Variants in ARL17B observed in about 807,000 individuals in gnomAD.
ARL17B encodes the protein ADP-ribosylation factor-like protein 17.
At chr17:46,282,798 GCA>G (rs2049805040) in intron 4 of ARL17B, among the ~76,000 whole-genome samples, 1 of 152,202 alleles carries the variant, frequency 6.6e-6, no homozygotes, top group South Asian at 2.1e-4. Flanking sequence ...AAGAGAGAAA[GCA>G]CCCCGTGGCT....
At chr17:46,276,960 T>C (rs1325709233) in intron 4 of ARL17B, among the ~76,000 whole-genome samples, 1 of 149,966 alleles carries the variant, frequency 6.7e-6, no homozygotes, top group East Asian at 1.9e-4. Context: ...CGTGCCACCA[T>C]GCTCAGCTAA....
At chr17:46,291,290 AAT>A (rs1252004338) in intron 4 of ARL17B, among the ~76,000 whole-genome samples, 2 of 152,236 alleles carry the variant, frequency 1.3e-5, no homozygotes, top group African/African-American at 2.4e-5. Flanking sequence ...GTGAGAGTAA[AAT>A]ATAAAAAAGA....
chr17:46,284,542 A>G (rs1488149994), intron 4 of ARL17B, among the ~76,000 whole-genome samples: 1 of 152,250 alleles, frequency 6.6e-6, no homozygotes, highest in African/African-American at 2.4e-5. Flanking sequence ...CTTTCTACAC[A>G]GACACAGCAA....
In ARL17B at chr17:46,282,392, C is replaced by T. The variant is rs184491232; in HGVS notation, c.*22-6974G>A. 9.5e-4 allele frequency among the ~76,000 whole-genome samples: 144 copies of T among 151,994 alleles called. 1 individual carries two copies. Among genetic ancestry groups the T allele is most frequent in the African/African-American group, 3.2e-3 (133 of 41,444 alleles). ...TGCTGGGATTACAGGCGTGATCCACCGCACCTGGCCTCAGTTTTTTGTTTG... is the reference window on the plus strand; with the variant it reads ...TGCTGGGATTACAGGCGTGATCCACTGCACCTGGCCTCAGTTTTTTGTTTG... On this transcript the variant is annotated intron_variant, in intron 4 of 4. Coordinates refer to the ARL17B transcript ENST00000570618.
chr17:46,284,274 C>T (rs980292890), intron 4 of ARL17B, among the ~76,000 whole-genome samples: 1 of 152,258 alleles, frequency 6.6e-6, no homozygotes, highest in Non-Finnish European at 1.5e-5. Flanking sequence ...AGGCAGAGGT[C>T]CCTGCGGCCT....
chr17:46,279,105 A>T (rs1309875158), intron 4 of ARL17B, among the ~76,000 whole-genome samples: 4 of 151,838 alleles, frequency 2.6e-5, no homozygotes, highest in African/African-American at 4.8e-5. Flanking sequence ...GCCCAATGTC[A>T]TTATTTACAT....
At chr17:46,282,938 G>T (rs561087578) in intron 4 of ARL17B, among the ~76,000 whole-genome samples, 1 of 151,670 alleles carries the variant, frequency 6.6e-6, no homozygotes, top group Admixed American at 6.6e-5. Context: ...GGCCAACACA[G>T]TGAAACCTCA....
downstream of ARL17B, among the ~76,000 whole-genome samples, chr17:46,274,583 G>A (rs191795105): frequency 2.6e-4 from 40 of 152,292 alleles, no homozygotes; most frequent in Admixed American, 4.6e-4. Flanking sequence ...ATATGTAACC[G>A]TGGCTGGATT....
At position 46,325,915 on chromosome 17, in the gene ARL17B, C is replaced by G. The variant is rs559558441; in HGVS notation, c.260-26250G>C. Among the ~76,000 whole-genome samples the G allele has an allele frequency of 6.3e-5, 4 of 63,716 alleles. 2 individuals carry two copies. The East Asian group carries it at 1.0e-3, about 16-fold the overall frequency. The allele number at this position is 63,716 out of a possible 152,430, so 41.8% of individuals were successfully genotyped here. On this transcript the variant is annotated intron_variant, in intron 3 of 4. Coordinates refer to the ARL17B transcript ENST00000434041. Reference sequence around the variant, plus strand: ...ATACCATTTGAAAATGTTTCCCAGCCATTCTAAGGCTTAAAGGAAAAAAAG... The same window carrying G: ...ATACCATTTGAAAATGTTTCCCAGCGATTCTAAGGCTTAAAGGAAAAAAAG...
intron 4 of ARL17B, among the ~76,000 whole-genome samples, chr17:46,287,888 G>T (rs1219211707): frequency 6.6e-6 from 1 of 152,252 alleles, no homozygotes; most frequent in Non-Finnish European, 1.5e-5. Context: ...AAAAGAAAAA[G>T]TAAATGTAAC....
chr17:46,276,586 G>C (rs1219162949), intron 4 of ARL17B, among the ~76,000 whole-genome samples: 2 of 152,166 alleles, frequency 1.3e-5, no homozygotes, highest in Non-Finnish European at 2.9e-5. Flanking sequence ...TGAAAACAAT[G>C]TGCAAACAAT....
intron 4 of ARL17B, among the ~76,000 whole-genome samples, chr17:46,289,429 C>T (rs2050007596): frequency 1.3e-5 from 2 of 152,208 alleles, no homozygotes; most frequent in Non-Finnish European, 2.9e-5. Flanking sequence ...CCTTTGCCTC[C>T]CAAAGTGCTG....
At chr17:46,277,700 G>A (rs1475520040) in intron 4 of ARL17B, among the ~76,000 whole-genome samples, 2 of 150,928 alleles carry the variant, frequency 1.3e-5, no homozygotes, top group Admixed American at 6.6e-5. Context: ...AGGTTGGAGT[G>A]CAGTGGTGGG....
intron 4 of ARL17B, among the ~76,000 whole-genome samples, chr17:46,276,434 C>T (rs1291062164): frequency 4.6e-5 from 7 of 152,150 alleles, no homozygotes; most frequent in African/African-American, 1.2e-4. Context: ...TTTTGGATTA[C>T]GTAATCACAA....
intron 4 of ARL17B, among the ~76,000 whole-genome samples, chr17:46,277,977 T>C (rs2696533): frequency 0.14 from 21,715 of 151,760 alleles, 1,879 homozygotes; most frequent in Non-Finnish European, 0.22. Context: ...TGGAGTCTCG[T>C]TCTTGTCGCC....
chr17:46,281,244 G>A (rs1052912203), intron 4 of ARL17B, among the ~76,000 whole-genome samples: 1 of 152,060 alleles, frequency 6.6e-6, no homozygotes, highest in Non-Finnish European at 1.5e-5. Context: ...CCCTCATAGA[G>A]TGCAGGGGCT....
At chr17:46,317,152 C>G (rs1367522855) in intron 3 of ARL17B, among the ~76,000 whole-genome samples, 2 of 88,554 alleles carry the variant, frequency 2.3e-5, no homozygotes. Flanking sequence ...GGGTGGCGGC[C>G]GGGCAGAGGC....
At chr17:46,282,260 G>A (rs1362204577) in intron 4 of ARL17B, among the ~76,000 whole-genome samples, 1 of 151,784 alleles carries the variant, frequency 6.6e-6, no homozygotes, top group Non-Finnish European at 1.5e-5. Context: ...CTGCCACCAC[G>A]CCCGCCTAAT....
At chr17:46,278,335 T>G (rs541267045) in intron 4 of ARL17B, among the ~76,000 whole-genome samples, 71 of 152,322 alleles carry the variant, frequency 4.7e-4, no homozygotes, top group African/African-American at 1.6e-3. Context: ...CACTTAACCA[T>G]TTTCCCACCT....
Sources: allele counts gnomAD v4.1 joint callset (sites outside exome capture counted in the v4.1 genomes callset), GRCh38; gene constraint gnomAD v4.1.1; transcripts MANE v1.5; gene names NCBI Gene and HGNC (gene_info 2026-07-23, HGNC 2026-07-21).